The following OR1R1 variants were observed in gnomAD, a reference collection of about 807,000 sequenced individuals.
OR1R1 encodes olfactory receptor 1R1.
At chr17:3,386,660 T>TGGCGGC in the OR1R1 span, 1 of 398,454 alleles carries the variant, frequency 2.5e-6, no homozygotes, top group Middle Eastern at 6.3e-4. Flanking sequence ...GCCCACCTAG[T>TGGCGGC]GGCGGTGGCG....
At chr17:3,386,743 C>T in the OR1R1 span, 30 of 398,642 alleles carry the variant, frequency 7.5e-5, no homozygotes, top group Admixed American at 1.2e-3. Context: ...CCGCTACGAC[C>T]GCCTGGCCAG....
chr17:3,386,176 G>A, the OR1R1 span: 24 of 398,754 alleles, frequency 6.0e-5, no homozygotes. Flanking sequence ...CAGGCTGCTG[G>A]CCGGCCTGCT....
chr17:3,386,740 G>A, the OR1R1 span: 1 of 398,614 alleles, frequency 2.5e-6, no homozygotes, highest in Non-Finnish European at 4.4e-6. Context: ...AGCCCGCTAC[G>A]ACCGCCTGGC....
the OR1R1 span, chr17:3,386,442 C>G: frequency 5.0e-6 from 2 of 398,484 alleles, no homozygotes; most frequent in Admixed American, 4.4e-5. Flanking sequence ...ACCCCTACCC[C>G]ACCCCCGTGC....
the OR1R1 span, chr17:3,386,288 A>T: frequency 7.6e-6 from 3 of 396,062 alleles, no homozygotes; most frequent in African/African-American, 2.1e-5. Flanking sequence ...GCCATGTCCT[A>T]CGACCGCCCG....
the OR1R1 span, chr17:3,386,620 G>T: frequency 5.0e-6 from 2 of 398,564 alleles, no homozygotes; most frequent in Non-Finnish European, 8.8e-6. Flanking sequence ...GCTTGCCGGC[G>T]GCCGGCGCCG....
chr17:3,386,533 G>T, the OR1R1 span: 1 of 398,256 alleles, frequency 2.5e-6, no homozygotes, highest in African/African-American at 2.1e-5. Context: ...CATCTTCTCC[G>T]AGGGCCTGGC....
the OR1R1 span, chr17:3,385,986 C>G: frequency 2.8e-6 from 1 of 358,818 alleles, no homozygotes; most frequent in African/African-American, 2.4e-5. Context: ...GCCTGGTGGA[C>G]GGAACAGACG....
the OR1R1 span, chr17:3,386,112 C>T: frequency 5.0e-6 from 2 of 398,772 alleles, no homozygotes; most frequent in African/African-American, 2.1e-5. Context: ...CCATGTATTA[C>T]TTCTTGGGTC....
chr17:3,386,758 G>A, the OR1R1 span: 4 of 398,644 alleles, frequency 1.0e-5, no homozygotes, highest in South Asian at 1.3e-4. Context: ...GGCCAGCGTG[G>A]TCTACGCTGT....
chr17:3,386,865 A>C, the OR1R1 span: 1 of 398,530 alleles, frequency 2.5e-6, no homozygotes, highest in Non-Finnish European at 4.4e-6. Context: ...CTGCACCCCA[A>C]GAGGCGTGAG....
chr17:3,386,183 T>G, the OR1R1 span: 1 of 398,850 alleles, frequency 2.5e-6, no homozygotes, highest in Non-Finnish European at 4.4e-6. Flanking sequence ...CTGGCCGGCC[T>G]GCTCCACCCG....
chr17:3,386,501 A>G, the OR1R1 span: 22 of 397,944 alleles, frequency 5.5e-5, no homozygotes, highest in Non-Finnish European at 8.4e-5. Context: ...GCGACCTCGG[A>G]CACGTCCGCC....
At chr17:3,386,371 T>A in the OR1R1 span, 8 of 398,090 alleles carry the variant, frequency 2.0e-5, no homozygotes, top group African/African-American at 6.2e-5. Context: ...GGTGCGTGCG[T>A]CGTGGGCCGT....
At chr17:3,386,294 G>C in the OR1R1 span, 8 of 398,280 alleles carry the variant, frequency 2.0e-5, no homozygotes, top group Non-Finnish European at 2.7e-5. Flanking sequence ...TCCTACGACC[G>C]CCCGACGGCG....
At chr17:3,386,261 A>G in the OR1R1 span, 1 of 398,584 alleles carries the variant, frequency 2.5e-6, no homozygotes, top group Non-Finnish European at 4.4e-6. Context: ...GGCATCACCG[A>G]GAGCTACCTC....
the OR1R1 span, chr17:3,386,113 T>C: frequency 4.0e-5 from 16 of 398,688 alleles, no homozygotes; most frequent in Non-Finnish European, 6.6e-5. Flanking sequence ...CATGTATTAC[T>C]TCTTGGGTCA....
chr17:3,386,395 TCGCTGCTGCACA>T, the OR1R1 span: 8 of 398,404 alleles, frequency 2.0e-5, no homozygotes, highest in African/African-American at 4.1e-5. Flanking sequence ...GCACCTGCAC[TCGCTGCTGCACA>T]CGCTGCTCCT....
the OR1R1 span, chr17:3,385,986 C>T: frequency 2.8e-6 from 1 of 358,880 alleles, no homozygotes; most frequent in Non-Finnish European, 4.8e-6. Context: ...GCCTGGTGGA[C>T]GGAACAGACG....
Sources: gnomAD v4.1 joint callset for allele counts on GRCh38, gnomAD v4.1.1 for gene constraint, MANE v1.5 for transcripts, NCBI Gene and HGNC (gene_info 2026-07-23, HGNC 2026-07-21) for gene names.